ATAD1: variants seen among roughly 807,000 people sequenced by gnomAD.
The protein encoded by ATAD1 is outer mitochondrial transmembrane helix translocase.
A neutral mutation model predicts 42.7 loss-of-function variants in ATAD1; 18 were observed. The ratio of observed to expected loss-of-function variants is 0.42; its 90% CI spans 0.29 to 0.63. The LOEUF (loss-of-function observed/expected upper bound fraction) is 0.63. Ranked by LOEUF, ATAD1 falls within the 20% of genes least tolerant of loss-of-function variation. The pLI, the probability that ATAD1 is intolerant of heterozygous loss-of-function variation, is 0.19. For missense variants in ATAD1, 294 were observed against 440.4 expected (o/e 0.67, Z 2.98); for synonymous variants, 132 against 143.1 (o/e 0.92, Z 0.55).
intron 8 of ATAD1, among the ~76,000 whole-genome samples, chr10:87,767,164 A>G (rs1212682032): frequency 6.6e-6 from 1 of 152,200 alleles, no homozygotes; most frequent in East Asian, 1.9e-4. Context: ...CTCTAAAAAC[A>G]TAAGAAAAGT....
At chr10:87,777,653 A>G (rs1855369943) in intron 5 of ATAD1, among the ~76,000 whole-genome samples, 1 of 152,102 alleles carries the variant, frequency 6.6e-6, no homozygotes, top group Non-Finnish European at 1.5e-5. Context: ...CCCCATTTCA[A>G]ATGTTTTGTC....
At chr10:87,791,482 A>T (rs781495856) in intron 3 of ATAD1, among the ~76,000 whole-genome samples, 6 of 152,178 alleles carry the variant, frequency 3.9e-5, no homozygotes, top group Non-Finnish European at 8.8e-5. Flanking sequence ...TCACTGTAAC[A>T]GCAACAAAAA....
chr10:87,805,578 A>G (rs1856884717), intron 2 of ATAD1, among the ~76,000 whole-genome samples: 1 of 151,778 alleles, frequency 6.6e-6, no homozygotes, highest in Non-Finnish European at 1.5e-5. Context: ...TAGGCCCCCA[A>G]CCTCCTCCAC....
intron 9 of ATAD1, among the ~76,000 whole-genome samples, chr10:87,755,561 C>G (rs1344675277): frequency 1.3e-5 from 2 of 151,980 alleles, no homozygotes; most frequent in East Asian, 3.9e-4. Context: ...TGTAATTTAC[C>G]TAAGCAAAAT....
intron 4 of ATAD1, among the ~76,000 whole-genome samples, chr10:87,785,684 G>A (rs1291303238): frequency 6.7e-6 from 1 of 149,894 alleles, no homozygotes; most frequent in Non-Finnish European, 1.5e-5. Flanking sequence ...TTCAAAATGA[G>A]AGGAAAAATA....
intron 6 of ATAD1, among the ~76,000 whole-genome samples, chr10:87,773,915 G>A (rs1855168852): frequency 1.3e-5 from 2 of 152,180 alleles, no homozygotes; most frequent in African/African-American, 4.8e-5. Context: ...ACCTGTACAT[G>A]AGTCCCATTG....
At position 87,830,493 on chromosome 10, in the gene ATAD1, T is replaced by C. The variant is rs1163380398; in HGVS notation, c.-14+10694A>G. Among the ~76,000 whole-genome samples, 3 of 152,236 alleles carry C rather than the reference T, an allele frequency of 2.0e-5. No homozygotes were observed. The South Asian group carries it at 6.2e-4, about 31-fold the overall frequency. ...TCTGAAACACTCACATAGATTCTTA[T>C]GAATCATGTTTTTTTCCCCCCTGTC... On this transcript the variant is annotated intron_variant, in intron 1 of 4. Transcript: ENST00000495903.
intron 5 of ATAD1, among the ~76,000 whole-genome samples, chr10:87,778,757 T>C (rs1387286556): frequency 6.6e-6 from 1 of 152,146 alleles, no homozygotes; most frequent in Non-Finnish European, 1.5e-5. Context: ...AAAAATTGGA[T>C]AGACTTTTTT....
chr10:87,829,478 TCTC>T (rs1435119792), intron 1 of ATAD1, among the ~76,000 whole-genome samples: 2 of 152,004 alleles, frequency 1.3e-5, no homozygotes, highest in African/African-American at 4.8e-5. Flanking sequence ...ATGGTCTTGA[TCTC>T]CTGACCTCAT....
intron 6 of ATAD1, among the ~76,000 whole-genome samples, chr10:87,775,512 A>AT (rs1167855089): frequency 1.7e-5 from 2 of 120,312 alleles, no homozygotes; most frequent in Non-Finnish European, 1.8e-5. Context: ...TAAGTGATTC[A>AT]TTAAAAAAAA....
At position 87,761,162 on chromosome 10, in the gene ATAD1, G is replaced by C. The variant is rs1027063233; in HGVS notation, c.832-4240C>G. Among the ~76,000 whole-genome samples, 8 of 152,082 alleles carry C rather than the reference G, an allele frequency of 5.3e-5. No homozygotes were observed. In the East Asian group the frequency reaches 1.4e-3, roughly 26 times the overall value. The stretch of plus-strand genomic sequence containing the variant: ...TTACCAAATAAATATATGTGCTACT[G>C]ATTTGAGGCATCTTTAACAAAATTA... On this transcript the variant is annotated intron_variant, in intron 8 of 9. Transcript: ENST00000680024.
At chr10:87,791,030 CAAAAAAAAAAAA>C (rs34722647) in intron 3 of ATAD1, among the ~76,000 whole-genome samples, 1 of 66,252 alleles carries the variant, frequency 1.5e-5, no homozygotes, top group African/African-American at 5.8e-5. Flanking sequence ...ACTAAAATTA[CAAAAAAAAAAAA>C]AAAAAAAAAA....
intron 6 of ATAD1, among the ~76,000 whole-genome samples, chr10:87,772,217 CTTTTTT>C (rs904878344): frequency 6.7e-6 from 1 of 148,868 alleles, no homozygotes; most frequent in Non-Finnish European, 1.5e-5. Context: ...TTCTTTCTTT[CTTTTTT>C]TTTTTGAAGA....
Position 87,799,630 on chromosome 10 carries a change from G to A in ATAD1, c.163-6875C>T, listed in dbSNP as rs185247119. The stretch of plus-strand genomic sequence containing the variant: ...CAATGGTGGTTCTGTAACTTTAAAT[G>A]ATGACCATTACAGTTTTCATAAATA... On this transcript the variant is annotated intron_variant, in intron 2 of 9. Transcript: ENST00000680024. Among the ~76,000 whole-genome samples the A allele has an allele frequency of 3.2e-3, 485 of 152,214 alleles. 3 individuals are homozygous for A. The highest frequency in any genetic ancestry group is 0.011 in the African/African-American group (461 of 41,534).
chr10:87,772,183 C>T (rs1266597653), intron 6 of ATAD1, among the ~76,000 whole-genome samples: 1 of 152,000 alleles, frequency 6.6e-6, no homozygotes, highest in Non-Finnish European at 1.5e-5. Flanking sequence ...TATTAATGCT[C>T]ATATTTATTT....
At position 87,754,009 on chromosome 10, in the gene ATAD1, T is replaced by C. The variant is rs1015669932; in HGVS notation, c.*678A>G. ...GCTGATCACTGAACTAGTATTTTCA[T>C]TTGATTATCCTGACAAACATAATAA... On this transcript the variant is annotated 3_prime_UTR_variant, in exon 10 of 10. Coordinates refer to ENST00000680024, the MANE Select transcript of ATAD1 (RefSeq NM_001321967.2). 1.3e-5 allele frequency: 2 copies of C among 152,302 alleles called. No individual in the cohort carries two copies. Among genetic ancestry groups the C allele is most frequent in the African/African-American group, 4.8e-5 (2 of 41,460 alleles). 9.4% of individuals were successfully genotyped at this position (152,302 alleles called of 1,614,324 possible).
intron 8 of ATAD1, among the ~76,000 whole-genome samples, chr10:87,763,080 C>CAAAAAAAAAAAAAAAAAA (rs71019501): frequency 3.8e-5 from 1 of 26,530 alleles, no homozygotes; most frequent in Non-Finnish European, 7.6e-5. Context: ...GACTCTGTCA[C>CAAAAAAAAAAAAAAAAAA]AAAAAAAAAA....
chr10:87,794,006 C>T (rs1006821533), intron 2 of ATAD1, among the ~76,000 whole-genome samples: 2 of 151,960 alleles, frequency 1.3e-5, no homozygotes, highest in Admixed American at 6.6e-5. Flanking sequence ...GGGAGGATTG[C>T]TTGAACCCAG....
At chr10:87,760,914 A>C (rs1227695802) in intron 8 of ATAD1, among the ~76,000 whole-genome samples, 3 of 152,226 alleles carry the variant, frequency 2.0e-5, no homozygotes, top group African/African-American at 7.2e-5. Flanking sequence ...TAAAACCTTA[A>C]GCCAAAATCA....
Sources: gnomAD v4.1 joint callset for allele counts (sites outside exome capture counted in the v4.1 genomes callset) on GRCh38, gnomAD v4.1.1 for gene constraint, MANE v1.5 for transcripts, NCBI Gene and HGNC (gene_info 2026-07-23, HGNC 2026-07-21) for gene names.